Variants in LCTL observed in about 807,000 individuals in gnomAD.
LCTL encodes lactase-like protein.
Under a neutral mutation model 75.8 loss-of-function variants are expected in LCTL, and 76 were observed. That is an observed-to-expected ratio of 1.00 (90% CI 0.83 to 1.21). The LOEUF is 1.21. Among genes scored for constraint, LCTL ranks in the 50% most tolerant of loss-of-function variants. The probability of loss-of-function intolerance (pLI) is 0.00; values close to 1 mark genes in which losing one functional copy is unlikely to be tolerated. For synonymous variants in LCTL, 271 were observed against 268.8 expected, an observed-to-expected ratio of 1.01 and a Z score of -0.08; for missense variants, 670 against 712.4, an observed-to-expected ratio of 0.94 and a Z score of 0.68.
chr15:66,565,259 G>C (rs759158270), exon 1 of LCTL: 21 of 1,609,346 alleles, frequency 1.3e-5, no homozygotes, highest in Non-Finnish European at 1.8e-5. Context: ...AAGAGGGAAG[G>C]TTCCATAGTA....
At chr15:66,549,441 TG>T (rs1895511463) in intron 12 of LCTL, 1 of 152,250 alleles carries the variant, frequency 6.6e-6, no homozygotes. Context: ...CATATTTCTC[TG>T]ATTGCCCTTA....
At position 66,548,316 on chromosome 15, in the gene LCTL, C is replaced by T. The variant is rs114255519; in HGVS notation, c.*174G>A. On this transcript the variant is annotated 3_prime_UTR_variant, in exon 13 of 13. Coordinates refer to ENST00000341509, the Ensembl canonical transcript of LCTL. ...TTACAAGTGTTTTTTTTTTTAATTTCTGCTTATTTTTATTTTCTAATTCTT... is the reference window on the plus strand; with the variant it reads ...TTACAAGTGTTTTTTTTTTTAATTTTTGCTTATTTTTATTTTCTAATTCTT... 541 of 381,886 alleles carry T rather than the reference C, an allele frequency of 1.4e-3. 1 individual carries two copies. Among genetic ancestry groups the T allele is most frequent in the African/African-American group, 0.01 (486 of 47,930 alleles). The allele number at this position is 381,886 out of a possible 1,614,324, so 23.7% of individuals were successfully genotyped here.
intron 3 of LCTL, 99 bp downstream of exon 4, chr15:66,563,812 T>A: frequency 1.0e-6 from 1 of 1,000,026 alleles, no homozygotes; most frequent in Non-Finnish European, 1.6e-6. Flanking sequence ...ACTACGTTCA[T>A]GGGCTGATCT....
chr15:66,553,585 C>A (rs1895667426), intron 8 of LCTL, among the ~76,000 whole-genome samples: 1 of 151,150 alleles, frequency 6.6e-6, no homozygotes, highest in Admixed American at 6.6e-5. Context: ...GAAACCCCAT[C>A]TCTACTAAAA....
intron 4 of LCTL, among the ~76,000 whole-genome samples, chr15:66,562,728 C>G (rs367974531): frequency 6.6e-6 from 1 of 151,786 alleles, no homozygotes; most frequent in Non-Finnish European, 1.5e-5. Context: ...GGATTATAGG[C>G]GCCTGCCACC....
At chr15:66,551,304 A>G (rs1895588676) in intron 11 of LCTL, among the ~76,000 whole-genome samples, 1 of 140,748 alleles carries the variant, frequency 7.1e-6, no homozygotes, top group Non-Finnish European at 1.5e-5. Context: ...CCGAGATCGC[A>G]CTACTGCACT....
chr15:66,558,126 T>G, intron 6 of LCTL, 90 bp from the exon 8 acceptor site: 3 of 1,121,350 alleles, frequency 2.7e-6, no homozygotes, highest in Non-Finnish European at 3.8e-6. Context: ...TTCCTAACTT[T>G]AGAGCTATTA....
chr15:66,559,827 C>T (rs1347692678), intron 6 of LCTL, among the ~76,000 whole-genome samples: 1 of 152,116 alleles, frequency 6.6e-6, no homozygotes, highest in East Asian at 1.9e-4. Context: ...TGGCGCATGC[C>T]TACAATCTCA....
chr15:66,555,465 T>C (rs964134194), intron 8 of LCTL, among the ~76,000 whole-genome samples: 1 of 151,828 alleles, frequency 6.6e-6, no homozygotes, highest in East Asian at 1.9e-4. Context: ...CACTTGAACC[T>C]GGGAGGCAGA....
At chr15:66,563,793 C>A in intron 3 of LCTL, 118 bp downstream of exon 4, 1 of 890,856 alleles carries the variant, frequency 1.1e-6, no homozygotes, top group South Asian at 1.5e-5. Flanking sequence ...AGAGCTGCTA[C>A]CGTCAGCAAC....
chr15:66,549,369 A>G (rs1895507606), intron 12 of LCTL: 1 of 152,182 alleles, frequency 6.6e-6, no homozygotes, highest in South Asian at 2.1e-4. Context: ...GTTTGGTAAG[A>G]TTTGGTCTCG....
At position 66,564,011 on chromosome 15, in the gene LCTL, G is replaced by T. The variant is rs1895959634; in HGVS notation, c.283-13C>A. ...GAATGATGTCCTCCTGTGCAGACAG[G>T]GGTGGGGAGACAGGTCACCTGGGCC... On this transcript the variant is annotated splice_polypyrimidine_tract_variant and intron_variant, in intron 2 of 12. Coordinates refer to ENST00000341509, the Ensembl canonical transcript of LCTL. 6.3e-7 allele frequency: 1 copy of T among 1,599,332 alleles called. No individual in the cohort carries two copies. Among genetic ancestry groups the T allele is most frequent in the Non-Finnish European group, 8.6e-7 (1 of 1,166,986 alleles).
chr15:66,565,542 C>T, upstream of LCTL: 15 of 567,902 alleles, frequency 2.6e-5, no homozygotes, highest in South Asian at 3.5e-4. Context: ...GATGCTGTTT[C>T]CGTGCCTGGG....
rs149233941 is a variant in LCTL, at chr15:66,558,327, C to T, written c.706-291G>A. The stretch of plus-strand genomic sequence containing the variant: ...TGTTCCTCTTAGTCCTCAGTAGCAA[C>T]TAGGCAGTACTTTTCCTCAGAGGAG... On this transcript the variant is annotated intron_variant, in intron 6 of 12. Transcript: ENST00000341509. 2.6e-5 allele frequency among the ~76,000 whole-genome samples: 4 copies of T among 152,278 alleles called. No homozygotes were observed. In the East Asian group the frequency reaches 7.7e-4, roughly 29 times the overall value.
At chr15:66,564,438 G>A in intron 2 of LCTL, 1 of 533,846 alleles carries the variant, frequency 1.9e-6, no homozygotes, top group Non-Finnish European at 3.3e-6. Flanking sequence ...ACTGGCTCAG[G>A]TGAGGCCCCA....
chr15:66,564,345 G>T (rs545461897), intron 2 of LCTL: 1 of 471,756 alleles, frequency 2.1e-6, no homozygotes, highest in Admixed American at 3.7e-5. Flanking sequence ...GACAAGCAGG[G>T]ACCAGGGGTT....
At chr15:66,564,316 C>G (rs1895966974) in intron 2 of LCTL, 1 of 486,928 alleles carries the variant, frequency 2.1e-6, no homozygotes, top group East Asian at 3.7e-5. Context: ...GGGTCCCACT[C>G]CCTCCACAGG....
intron 9 of LCTL, among the ~76,000 whole-genome samples, 157 bp from the exon 11 acceptor site, chr15:66,552,326 A>G (rs1567058313): frequency 6.6e-6 from 1 of 152,156 alleles, no homozygotes; most frequent in Non-Finnish European, 1.5e-5. Context: ...GTTTATTTAG[A>G]GACTAATGTA....
At chr15:66,557,309 C>T (rs1282664204) in intron 8 of LCTL, among the ~76,000 whole-genome samples, 1 of 152,190 alleles carries the variant, frequency 6.6e-6, no homozygotes, top group Non-Finnish European at 1.5e-5. Flanking sequence ...TTATTCTCTT[C>T]TCCAACACTG....
Sources: gnomAD v4.1 joint callset for allele counts (sites outside exome capture counted in the v4.1 genomes callset) on GRCh38, gnomAD v4.1.1 for gene constraint, MANE v1.5 for transcripts, NCBI Gene and HGNC (gene_info 2026-07-23, HGNC 2026-07-21) for gene names.